Variants in TBCD observed in about 807,000 individuals in gnomAD.
TBCD encodes the protein tubulin folding cofactor D, also known as tubulin-specific chaperone D.
Under a neutral mutation model 169.3 loss-of-function variants are expected in TBCD, and 105 were observed. The ratio of observed to expected loss-of-function variants is 0.62; its 90% CI spans 0.53 to 0.73. The LOEUF (loss-of-function observed/expected upper bound fraction) is 0.73. Among genes scored for constraint, TBCD ranks in the 30% least tolerant of loss-of-function variants. TBCD has a pLI of 0.00. For synonymous variants in TBCD, 700 were observed against 643.9 expected, an observed-to-expected ratio of 1.09 and a Z score of -1.32; for missense variants, 1,444 against 1,600.1, an observed-to-expected ratio of 0.90 and a Z score of 1.66.
At chr17:82,895,907 C>T (rs919750825) in intron 17 of TBCD, 3 of 152,172 alleles carry the variant, frequency 2.0e-5, no homozygotes, top group Admixed American at 6.5e-5. Context: ...ATGGGGGGAC[C>T]AGCCGTCGCC....
rs1362468138 is a variant in TBCD, at chr17:82,903,386, A to G, written c.1731-19A>G. 6.3e-7 allele frequency: 1 copy of G among 1,592,538 alleles called. No homozygotes were observed. The highest frequency in any genetic ancestry group is 1.1e-5 in the South Asian group (1 of 87,452). On this transcript the variant is annotated intron_variant, in intron 18 of 38. Coordinates refer to ENST00000355528, the MANE Select transcript of TBCD (RefSeq NM_005993.5). This position sits in a 1 kb window ranked among gnomAD's most constrained non-coding sequence, Gnocchi z 4.8. The stretch of plus-strand genomic sequence containing the variant: ...ATCATAAAATGAAGGCACTTACGAC[A>G]TTCTCTCCTCACTCTCAGGGTCATC...
At chr17:82,813,361 T>C (rs1464158844) in intron 12 of TBCD, among the ~76,000 whole-genome samples, 1 of 152,024 alleles carries the variant, frequency 6.6e-6, no homozygotes, top group South Asian at 2.1e-4. Context: ...AGACCCCCCC[T>C]GTGCTTCCAG....
chr17:82,936,728 C>A (rs554157964), intron 34 of TBCD, among the ~76,000 whole-genome samples: 1 of 152,260 alleles, frequency 6.6e-6, no homozygotes, highest in South Asian at 2.1e-4. Flanking sequence ...GAGGTGCGCA[C>A]CTTCTCCTCC....
At chr17:82,893,447 T>G (rs1599297822) in intron 16 of TBCD, 100 bp from the exon 17 acceptor site, 1 of 948,486 alleles carries the variant, frequency 1.1e-6, no homozygotes, top group Non-Finnish European at 1.6e-6. Flanking sequence ...GGGCTCGGGG[T>G]TCATGAGTGT....
chr17:82,894,522 T>C (rs1449673867), intron 17 of TBCD, among the ~76,000 whole-genome samples: 1 of 152,176 alleles, frequency 6.6e-6, no homozygotes, highest in Non-Finnish European at 1.5e-5. Context: ...CGTTTCTCCG[T>C]CACCAGCCTG....
At chr17:82,897,242 G>A (rs1178266079) in intron 17 of TBCD, among the ~76,000 whole-genome samples, 2 of 151,956 alleles carry the variant, frequency 1.3e-5, no homozygotes, top group East Asian at 1.9e-4. Flanking sequence ...GCTTTGGGCC[G>A]GGTGCGGTGG....
At position 82,934,825 on chromosome 17, in the gene TBCD, G is replaced by A. The variant is rs540576130; in HGVS notation, c.3191+2090G>A. Among the ~76,000 whole-genome samples, 29 of 152,136 alleles carry A rather than the reference G, an allele frequency of 1.9e-4. No homozygotes were observed. The South Asian group carries it at 5.8e-3, about 31-fold the overall frequency. The stretch of plus-strand genomic sequence containing the variant: ...TAAAAATTTCAAAATAAGCCTGGGC[G>A]CCATGGCTCACGCCTGTAATCCCAG... On this transcript the variant is annotated intron_variant, in intron 34 of 38. Transcript: ENST00000355528.
rs770337274 is a variant in TBCD, at chr17:82,870,279, C to T, written c.1374C>T (p.Ser458=). ...ACGACGAGAAGCGGGGTGCCTGCAGCGTGGGCACCAACGTCAGGGACGCCG... is the reference window on the plus strand; with the variant it reads ...ACGACGAGAAGCGGGGTGCCTGCAGTGTGGGCACCAACGTCAGGGACGCCG... ...LTYDEKRGAC[S]VGTNVRDAAC... Residue 458 remains serine (S), a synonymous_variant, in exon 14 of 39, where the codon AGC becomes AGT. Transcript: ENST00000355528. 6.2e-6 allele frequency: 10 copies of T among 1,613,438 alleles called. No homozygotes were observed. Among genetic ancestry groups the T allele is most frequent in the Admixed American group, 3.3e-5 (2 of 60,008 alleles).
Position 82,923,697 on chromosome 17 carries a change from A to G in TBCD, c.2224A>G (p.Met742Val), listed in dbSNP as rs780626975. ...ALAALCSEYY[M>V]KEPGEADPAI... ...GGCTGCTCTATGCAGTGAATATTACATGAAGGAGCCGGGGGAGGCAGATCC... is the reference window on the plus strand; with the variant it reads ...GGCTGCTCTATGCAGTGAATATTACGTGAAGGAGCCGGGGGAGGCAGATCC... Residue 742 changes from methionine to valine, a missense_variant, in exon 26 of 39, where the codon ATG (methionine) becomes GTG (valine). Coordinates refer to ENST00000355528, the MANE Select transcript of TBCD (RefSeq NM_005993.5). This position sits in a 1 kb window ranked among gnomAD's most constrained non-coding sequence, Gnocchi z 4.6. The G allele has an allele frequency of 1.3e-5, 20 of 1,599,194 alleles. No homozygotes were observed. The highest frequency in any genetic ancestry group is 3.4e-5 in the Admixed American group (2 of 58,010).
At chr17:82,815,569 G>A (rs997627605) in intron 13 of TBCD, among the ~76,000 whole-genome samples, 4 of 152,256 alleles carry the variant, frequency 2.6e-5, no homozygotes, top group Non-Finnish European at 4.4e-5. Context: ...CTCTTGTGCC[G>A]TGGCCACACG....
chr17:82,899,114 G>C (rs978042775), intron 17 of TBCD, among the ~76,000 whole-genome samples: 1 of 152,222 alleles, frequency 6.6e-6, no homozygotes, highest in East Asian at 1.9e-4. Flanking sequence ...CGTCCGCAGC[G>C]CGTGTGTCCT....
intron 23 of TBCD, 131 bp downstream of exon 23, chr17:82,911,920 G>A: frequency 1.1e-6 from 1 of 876,650 alleles, no homozygotes; most frequent in Admixed American, 2.1e-5. Flanking sequence ...CTTCTGTGGA[G>A]GCGGCATCTG....
In TBCD at chr17:82,942,582, CCTTGGAGGCTGGCA is replaced by C; in HGVS notation, c.*122_*135del. ...CCAGCTGTTGAAGGGTAGCGCTGGC[CCTTGGAGGCTGGCA>C]CTAGCTGACAGCTTTTCCTCTCTGC... On this transcript the variant is annotated 3_prime_UTR_variant, in exon 39 of 39. Transcript: ENST00000355528. 1 of 1,414,850 alleles carries C rather than the reference CCTTGGAGGCTGGCA, an allele frequency of 7.1e-7. No homozygotes were observed. The highest frequency in any genetic ancestry group is 9.9e-7 in the Non-Finnish European group (1 of 1,014,692). 87.6% of individuals were successfully genotyped at this position (1,414,850 alleles called of 1,614,324 possible). A position where few individuals can be genotyped will look rare whatever the true frequency, so the allele number is the denominator to read the frequency against.
At chr17:82,866,831 G>T (rs2057208345) in intron 13 of TBCD, among the ~76,000 whole-genome samples, 1 of 152,240 alleles carries the variant, frequency 6.6e-6, no homozygotes, top group South Asian at 2.1e-4. Context: ...GCAGTCCAGT[G>T]TGCACGGGCC....
intron 13 of TBCD, among the ~76,000 whole-genome samples, chr17:82,828,783 CCA>C (rs1456168796): frequency 5.3e-5 from 8 of 151,294 alleles, no homozygotes; most frequent in Admixed American, 2.0e-4. Context: ...ATGTGCACCC[CCA>C]CACAGATATG....
chr17:82,901,857 A>G (rs932933034), intron 18 of TBCD, among the ~76,000 whole-genome samples: 13 of 152,252 alleles, frequency 8.5e-5, no homozygotes, highest in African/African-American at 2.9e-4. Flanking sequence ...AACTCTCTCC[A>G]TTAGGTACAA....
chr17:82,829,172 A>G (rs1184670322), intron 13 of TBCD, among the ~76,000 whole-genome samples: 1 of 151,664 alleles, frequency 6.6e-6, no homozygotes, highest in Non-Finnish European at 1.5e-5. Flanking sequence ...GAGATGCACA[A>G]GCGCATACCC....
chr17:82,858,980 C>T (rs368351106), intron 13 of TBCD, among the ~76,000 whole-genome samples: 2 of 152,220 alleles, frequency 1.3e-5, no homozygotes, highest in East Asian at 3.8e-4. Context: ...GAGGCCGGGG[C>T]CAGGCTGCGT....
chr17:82,761,948 C>T (rs1046027559), intron 2 of TBCD, among the ~76,000 whole-genome samples: 2 of 149,338 alleles, frequency 1.3e-5, no homozygotes, highest in Non-Finnish European at 3.0e-5. Context: ...AGGATGGTCT[C>T]GATCTCCTGA....
Sources: gnomAD v4.1 joint callset for allele counts (sites outside exome capture counted in the v4.1 genomes callset) on GRCh38, gnomAD v4.1.1 for gene constraint, Gnocchi (gnomAD v3.1) non-coding constraint, MANE v1.5 for transcripts, NCBI Gene and HGNC (gene_info 2026-07-23, HGNC 2026-07-21) for gene names.